The following P2RY12 variants were observed in gnomAD, a reference collection of about 807,000 sequenced individuals.
P2RY12 encodes the protein purinergic receptor P2Y12.
In P2RY12, 3 loss-of-function variants were observed where a neutral mutation model predicts 4.5. The observed-to-expected ratio is 0.67, with a 90% CI of 0.31 to 1.74. P2RY12 has a LOEUF of 1.74. Ranked by LOEUF, P2RY12 falls within the 40% of genes most tolerant of loss-of-function variation. The pLI, the probability that P2RY12 is intolerant of heterozygous loss-of-function variation, is 0.09. For synonymous variants in P2RY12, 148 were observed against 154.1 expected (o/e 0.96, Z 0.29); for missense variants, 356 against 407.8 (o/e 0.87, Z 1.09).
chr3:151,360,567 A>G (rs776014177), intron 1 of P2RY12: 18 of 1,612,744 alleles, frequency 1.1e-5, no homozygotes, highest in Admixed American at 6.7e-5. Flanking sequence ...TCTATGTGTC[A>G]TGTAGCCACC....
chr3:151,342,380 G>A lies in P2RY12; in HGVS notation c.-179-1620C>T, dbSNP rs1327254984. 5.3e-5 allele frequency among the ~76,000 whole-genome samples: 8 copies of A among 152,260 alleles called. 1 individual carries two copies. The highest frequency in any genetic ancestry group is 2.6e-4 in the Admixed American group (4 of 15,278). ...AACACGTTTTGGTTTTTTCTTCTGCGTTTTGAGTATTTGTCTATGTCTTTA... is the reference window on the plus strand; with the variant it reads ...AACACGTTTTGGTTTTTTCTTCTGCATTTTGAGTATTTGTCTATGTCTTTA... On this transcript the variant is annotated intron_variant, in intron 1 of 2. Coordinates refer to ENST00000302632, the MANE Select transcript of P2RY12 (RefSeq NM_022788.5).
intron 1 of P2RY12, chr3:151,380,227 A>G (rs756138463): frequency 2.5e-5 from 39 of 1,545,966 alleles, no homozygotes; most frequent in South Asian, 3.4e-5. Context: ...TTAACCAGGT[A>G]AAGTATAGTA....
At chr3:151,379,964 G>T in intron 1 of P2RY12, 1 of 535,850 alleles carries the variant, frequency 1.9e-6, no homozygotes, top group Non-Finnish European at 3.3e-6. Flanking sequence ...AATTTTATAA[G>T]TAGAGGTATG....
At chr3:151,349,963 C>A (rs1577401574) in intron 1 of P2RY12, 1 of 1,145,014 alleles carries the variant, frequency 8.7e-7, no homozygotes, top group Non-Finnish European at 1.2e-6. Flanking sequence ...CACCGCAAGC[C>A]AGCATGGAGG....
chr3:151,342,366 G>T (rs1432893123), intron 1 of P2RY12, among the ~76,000 whole-genome samples: 4 of 152,186 alleles, frequency 2.6e-5, no homozygotes, highest in South Asian at 2.1e-4. Context: ...ACACGTTTTG[G>T]TTTTTTCTTC....
intron 1 of P2RY12, among the ~76,000 whole-genome samples, chr3:151,363,645 G>T (rs1172815741): frequency 6.6e-6 from 1 of 152,310 alleles, no homozygotes; most frequent in Non-Finnish European, 1.5e-5. Context: ...TACACAGAAA[G>T]AGAGTGTAGA....
intron 1 of P2RY12, among the ~76,000 whole-genome samples, chr3:151,368,689 T>C (rs28441472): frequency 0.056 from 2,279 of 40,356 alleles, 60 homozygotes; most frequent in Non-Finnish European, 0.064. Context: ...CATTTCATTT[T>C]ATTTCATTTC....
At chr3:151,373,716 T>A (rs1211623413) in intron 1 of P2RY12, among the ~76,000 whole-genome samples, 1 of 152,218 alleles carries the variant, frequency 6.6e-6, no homozygotes, top group Non-Finnish European at 1.5e-5. Flanking sequence ...TGTCCCAGAT[T>A]TGTGCAGTAG....
At chr3:151,349,852 C>CTT (rs112308445) in intron 1 of P2RY12, among the ~76,000 whole-genome samples, 4,715 of 139,642 alleles carry the variant, frequency 0.034, 153 homozygotes, top group African/African-American at 0.084. Context: ...TCAGTTGACA[C>CTT]TTTTTTTTTT....
rs63033360 is a variant in P2RY12 at position 151,354,140 on chromosome 3, CAAAAAAAAAAAAA to C, written c.-179-13393_-179-13381del. On this transcript the variant is annotated intron_variant, in intron 1 of 2. Coordinates refer to ENST00000302632, the MANE Select transcript of P2RY12 (RefSeq NM_022788.5). The stretch of plus-strand genomic sequence containing the variant: ...TGGGCGACAGAGCGAGACTCCGTCT[CAAAAAAAAAAAAA>C]AAAAAAAAAAAGAATCACAGTGCTA... Among the ~76,000 whole-genome samples the C allele has an allele frequency of 2.5e-4, 16 of 62,844 alleles. No homozygotes were observed. In the East Asian group the frequency reaches 2.9e-3, roughly 11 times the overall value. The allele number at this position is 62,844 out of a possible 152,430, so 41.2% of individuals were successfully genotyped here.
intron 1 of P2RY12, chr3:151,376,304 A>C (rs922721961): frequency 4.7e-5 from 50 of 1,058,944 alleles, no homozygotes; most frequent in Admixed American, 3.2e-4. Flanking sequence ...TGTCCTTGCT[A>C]ATTTGTGATT....
At chr3:151,376,859 G>A (rs1756915047) in intron 1 of P2RY12, 2 of 1,614,014 alleles carry the variant, frequency 1.2e-6, no homozygotes, top group Admixed American at 3.3e-5. Context: ...TGATCAAACA[G>A]TGCTTGAAGG....
intron 1 of P2RY12, chr3:151,365,188 G>A: frequency 6.2e-7 from 1 of 1,613,884 alleles, no homozygotes. Flanking sequence ...GTATGTATGG[G>A]CCATCAGGAT....
At chr3:151,362,254 G>A (rs929647164) in intron 1 of P2RY12, among the ~76,000 whole-genome samples, 2 of 151,844 alleles carry the variant, frequency 1.3e-5, no homozygotes, top group Non-Finnish European at 2.9e-5. Flanking sequence ...TTTAATATAC[G>A]AATGATTCAC....
chr3:151,375,585 A>T (rs1035804108), intron 1 of P2RY12, among the ~76,000 whole-genome samples: 6 of 152,196 alleles, frequency 3.9e-5, no homozygotes, highest in African/African-American at 7.2e-5. Context: ...AATAGTATCA[A>T]AAAGGAAGAT....
chr3:151,343,121 G>A (rs1435890144), intron 1 of P2RY12, among the ~76,000 whole-genome samples: 2 of 152,080 alleles, frequency 1.3e-5, no homozygotes, highest in South Asian at 2.1e-4. Context: ...AGTGAATCTC[G>A]TGTGGGATGG....
chr3:151,362,539 C>A (rs1404516635), intron 1 of P2RY12, among the ~76,000 whole-genome samples: 1 of 152,128 alleles, frequency 6.6e-6, no homozygotes, highest in Non-Finnish European at 1.5e-5. Context: ...TTTTAAATAG[C>A]ACCCCCATGT....
intron 1 of P2RY12, among the ~76,000 whole-genome samples, chr3:151,380,964 C>T (rs906043329): frequency 6.6e-6 from 1 of 152,140 alleles, no homozygotes; most frequent in African/African-American, 2.4e-5. Flanking sequence ...CAACCAAGTA[C>T]ACAAGAAATA....
intron 1 of P2RY12, chr3:151,376,357 C>A: frequency 1.5e-6 from 1 of 662,930 alleles, no homozygotes; most frequent in Non-Finnish European, 2.3e-6. Context: ...GTGGAATTGA[C>A]ATACTTTATT....
Sources: allele counts gnomAD v4.1 joint callset (sites outside exome capture counted in the v4.1 genomes callset), GRCh38; gene constraint gnomAD v4.1.1; transcripts MANE v1.5; gene names NCBI Gene and HGNC (gene_info 2026-07-23, HGNC 2026-07-21).